Variants in CATIP observed in about 807,000 individuals in gnomAD.
CATIP encodes ciliogenesis associated TTC17 interacting protein, also known as ciliogenesis-associated TTC17-interacting protein.
In CATIP, 40 loss-of-function variants were observed where a neutral mutation model predicts 42.5. The observed-to-expected ratio is 0.94, with a 90% CI of 0.73 to 1.22. The LOEUF (loss-of-function observed/expected upper bound fraction) is 1.22. Among genes scored for constraint, CATIP ranks in the 50% most tolerant of loss-of-function variants. The pLI is 0.00. For missense variants in CATIP, 489 were observed against 496.0 expected (o/e 0.99, Z 0.13); for synonymous variants, 222 against 200.2 (o/e 1.11, Z -0.92).
chr2:218,364,873 T>G, intron 7 of CATIP, 121 bp downstream of exon 7: 1 of 1,098,694 alleles, frequency 9.1e-7, no homozygotes, highest in Non-Finnish European at 1.3e-6. Flanking sequence ...GTCCCTCCGC[T>G]TTATCCATAT....
At chr2:218,360,826 CTTG>C (rs1440215084) in intron 5 of CATIP, among the ~76,000 whole-genome samples, 167 bp downstream of exon 5, 1 of 144,588 alleles carries the variant, frequency 6.9e-6, no homozygotes, top group Non-Finnish European at 1.5e-5. Flanking sequence ...TGGGGCACAG[CTTG>C]TTTTTTTTTT....
intron 4 of CATIP, among the ~76,000 whole-genome samples, chr2:218,359,891 T>C (rs112134516): frequency 0.021 from 3,253 of 152,008 alleles, 38 homozygotes; most frequent in South Asian, 0.042. Flanking sequence ...AGTGGTGCAA[T>C]CTAGCTCACT....
At chr2:218,360,536 G>A in intron 4 of CATIP, 37 bp from the exon 5 acceptor site, 1 of 1,529,042 alleles carries the variant, frequency 6.5e-7, no homozygotes, top group Non-Finnish European at 9.1e-7. Context: ...GGGACCCAGG[G>A]AGTCCCTGAT....
In CATIP at chr2:218,362,774, A is replaced by G; in HGVS notation, c.502A>G (p.Ile168Val). 6.2e-7 allele frequency: 1 copy of G among 1,614,122 alleles called. No individual in the cohort carries two copies. Among genetic ancestry groups the G allele is most frequent in the Non-Finnish European group, 8.5e-7 (1 of 1,179,998 alleles). Reference sequence around the variant, plus strand: ...AGTGACTTCTTTCCCCTGGAGCTCAATCAAGGGCTTCATCTCAGAGGCTGC... The same window carrying G: ...AGTGACTTCTTTCCCCTGGAGCTCAGTCAAGGGCTTCATCTCAGAGGCTGC... ...TGVTSFPWSS[I>V]KGFISEAANL... The change falls in exon 6 of 10, where the codon ATC becomes GTC. Residue 168 changes from isoleucine to valine, a missense_variant. Coordinates refer to ENST00000289388, the MANE Select transcript of CATIP (RefSeq NM_198559.2).
Position 218,364,684 on chromosome 2 carries a change from C to T in CATIP, c.687C>T (p.Ile229=), listed in dbSNP as rs1427339857. The part of the protein sequence containing the change: ...QVDHQQAEVF[I]VEQTVHAEEG... ...ACCATCAGCAGGCTGAAGTCTTCAT[C>T]GTGGAGCAGACTGTCCACGCGGAGG... Residue 229 remains isoleucine (I), a synonymous_variant, in exon 7 of 10, where the codon ATC becomes ATT. Coordinates refer to ENST00000289388, the MANE Select transcript of CATIP (RefSeq NM_198559.2). 5 of 1,614,028 alleles carry T rather than the reference C, an allele frequency of 3.1e-6. No homozygotes were observed. The highest frequency in any genetic ancestry group is 1.6e-4 in the Middle Eastern group (1 of 6,062).
chr2:218,360,447 G>A, intron 4 of CATIP, 126 bp from the exon 5 acceptor site: 2 of 710,860 alleles, frequency 2.8e-6, no homozygotes, highest in South Asian at 1.8e-5. Flanking sequence ...ACTGTGCCCG[G>A]CCCGGCTGCT....
chr2:218,361,088 C>A (rs1048364258), intron 5 of CATIP, among the ~76,000 whole-genome samples: 1 of 152,158 alleles, frequency 6.6e-6, no homozygotes, highest in Non-Finnish European at 1.5e-5. Flanking sequence ...GCCTCAGCCT[C>A]CCAAAGTGCT....
chr2:218,365,289 CTGT>C (rs1439939623), intron 7 of CATIP, among the ~76,000 whole-genome samples: 13 of 152,028 alleles, frequency 8.6e-5, no homozygotes, highest in African/African-American at 2.9e-4. Context: ...TCGTGGGCGC[CTGT>C]AGTCCCAGCT....
chr2:218,365,054 TGTGCTGGAAGAATTG>T (rs1695380478), intron 7 of CATIP, among the ~76,000 whole-genome samples: 12 of 152,260 alleles, frequency 7.9e-5, no homozygotes, highest in Admixed American at 1.3e-4. Flanking sequence ...ATGAAATCAC[TGTGCTGGAAGAATTG>T]CCTGTGGCAG....
intron 3 of CATIP, 133 bp from the exon 4 acceptor site, chr2:218,357,904 C>T: frequency 1.9e-6 from 2 of 1,052,892 alleles, no homozygotes; most frequent in South Asian, 1.3e-5. Context: ...GGGATGAGGG[C>T]ACATCTTACC....
At chr2:218,361,298 C>T (rs1483747604) in intron 5 of CATIP, among the ~76,000 whole-genome samples, 1 of 151,472 alleles carries the variant, frequency 6.6e-6, no homozygotes, top group Non-Finnish European at 1.5e-5. Flanking sequence ...GGCGTGAACC[C>T]GGGAAGTGGA....
intron 2 of CATIP, 78 bp downstream of exon 2, chr2:218,357,265 C>CTCTCTCTCTCTCTG: frequency 1.3e-6 from 1 of 771,732 alleles, no homozygotes; most frequent in Non-Finnish European, 2.1e-6. Context: ...TCCAGTCTCT[C>CTCTCTCTCTCTCTG]TCTCTCTCTC....
intron 2 of CATIP, 150 bp downstream of exon 2, chr2:218,357,337 G>A (rs1695061966): frequency 8.5e-6 from 6 of 706,772 alleles, no homozygotes; most frequent in Non-Finnish European, 1.4e-5. Context: ...CCTGTTTGTT[G>A]ACATTCTTCA....
In CATIP at chr2:218,367,005, A is replaced by G. The variant is rs1414410544; in HGVS notation, c.756-19A>G. ...GGTCTGGGAAGATTCTCACTCTCAC[A>G]TGTTGTGTTGCACTCCAGGCACCTG... On this transcript the variant is annotated intron_variant, in intron 7 of 9. Transcript: ENST00000289388. 6 of 1,601,920 alleles carry G rather than the reference A, an allele frequency of 3.7e-6. No homozygotes were observed. The highest frequency in any genetic ancestry group is 4.5e-5 in the East Asian group (2 of 44,804).
intron 6 of CATIP, among the ~76,000 whole-genome samples, chr2:218,363,498 CAA>C (rs1363163596): frequency 9.2e-6 from 1 of 108,362 alleles, no homozygotes. Context: ...AAAAAAAAAA[CAA>C]AAAAAAAAAA....
chr2:218,366,943 A>G (rs1022903106), intron 7 of CATIP, 81 bp from the exon 8 acceptor site: 52 of 1,073,904 alleles, frequency 4.8e-5, no homozygotes, highest in Non-Finnish European at 7.0e-5. Flanking sequence ...ATACCACCAC[A>G]CTGGGGGTTA....
chr2:218,364,771 G>T lies in CATIP; in HGVS notation c.755+19G>T, dbSNP rs928168751. On this transcript the variant is annotated intron_variant, in intron 7 of 9. Coordinates refer to ENST00000289388, the MANE Select transcript of CATIP (RefSeq NM_198559.2). ...CCGATGGGTGAGCTGCTGATGGTGG[G>T]CCCAGAGGGGTGGTGCTGAGCTTGT... is the stretch of plus-strand genomic sequence containing the variant. 1.2e-6 allele frequency: 2 copies of T among 1,607,568 alleles called. No homozygotes were observed. The highest frequency in any genetic ancestry group is 1.7e-5 in the Admixed American group (1 of 59,358).
chr2:218,360,781 C>A, intron 5 of CATIP, 122 bp downstream of exon 5: 1 of 660,968 alleles, frequency 1.5e-6, no homozygotes. Context: ...ATGACACAGC[C>A]TCAGGAGGTC....
intron 7 of CATIP, among the ~76,000 whole-genome samples, chr2:218,365,096 C>T (rs905143005): frequency 6.6e-6 from 1 of 152,102 alleles, no homozygotes; most frequent in African/African-American, 2.4e-5. Context: ...GTGCAGTCTC[C>T]AGCAAAGCAC....
Sources: allele counts gnomAD v4.1 joint callset (sites outside exome capture counted in the v4.1 genomes callset), GRCh38; gene constraint gnomAD v4.1.1; transcripts MANE v1.5; gene names NCBI Gene and HGNC (gene_info 2026-07-23, HGNC 2026-07-21).